The following CRYBG1 variants were observed in gnomAD, a reference collection of about 807,000 sequenced individuals.
CRYBG1 encodes beta/gamma crystallin domain-containing protein 1.
In CRYBG1, 139 loss-of-function variants were observed where a neutral mutation model predicts 189.2. The ratio of observed to expected loss-of-function variants is 0.73; its 90% CI spans 0.64 to 0.85. CRYBG1 has a LOEUF of 0.85. Among genes scored for constraint, CRYBG1 ranks in the 40% least tolerant of loss-of-function variants. CRYBG1 has a pLI of 0.00. For synonymous variants in CRYBG1, 1,023 were observed against 1,017.1 expected (o/e 1.01, Z -0.11); for missense variants, 2,611 against 2,675.8 (o/e 0.98, Z 0.53).
chr6:106,369,108 A>G (rs1769962061), intron 1 of CRYBG1, among the ~76,000 whole-genome samples: 1 of 152,242 alleles, frequency 6.6e-6, no homozygotes, highest in Admixed American at 6.5e-5. Context: ...TAAATATCTC[A>G]TGAAAGCATA....
intron 1 of CRYBG1, among the ~76,000 whole-genome samples, chr6:106,364,508 A>G (rs1299523610): frequency 6.6e-6 from 1 of 152,106 alleles, no homozygotes; most frequent in African/African-American, 2.4e-5. Flanking sequence ...TTTACTCTTA[A>G]AGTTTTTTTT....
Position 106,512,290 on chromosome 6 carries a change from C to A in CRYBG1, c.1173C>A (p.Asp391Glu), listed in dbSNP as rs886889529. The A allele has an allele frequency of 1.3e-6, 2 of 1,581,576 alleles. No individual in the cohort carries two copies. The highest frequency in any genetic ancestry group is 1.7e-6 in the Non-Finnish European group (2 of 1,167,170). ...YLSKTEGAQVDEPVVITPRAE... is the reference protein window; with the variant it reads ...YLSKTEGAQVEEPVVITPRAE... ...GTAAGACTGAGGGGGCACAAGTGGA[C>A]GAGCCGGTCGTGATTACTCCCAGAG... The change falls in exon 3 of 22, where the codon GAC becomes GAA. Residue 391 changes from aspartate to glutamate, a missense_variant. This residue lies in a region of CRYBG1 where 985 missense variants were observed against 924.4 expected (regional missense o/e 1.07). Coordinates refer to ENST00000633556, the MANE Select transcript of CRYBG1 (RefSeq NM_001371242.2).
intron 1 of CRYBG1, among the ~76,000 whole-genome samples, chr6:106,388,458 GT>G (rs1352111892): frequency 6.6e-6 from 1 of 152,104 alleles, no homozygotes; most frequent in African/African-American, 2.4e-5. Flanking sequence ...CAAATGTTTT[GT>G]TGAATTGCCC....
At chr6:106,539,579 G>T in intron 9 of CRYBG1, 50 bp downstream of exon 9, 1 of 1,570,902 alleles carries the variant, frequency 6.4e-7, no homozygotes, top group Non-Finnish European at 8.7e-7. Flanking sequence ...TCAGCTTGAC[G>T]TGGTAATTCA....
intron 2 of CRYBG1, among the ~76,000 whole-genome samples, chr6:106,494,574 ATAG>A (rs1357458593): frequency 1.3e-5 from 2 of 152,234 alleles, no homozygotes; most frequent in Non-Finnish European, 2.9e-5. Flanking sequence ...AAGAGGTCTG[ATAG>A]TAGTGTCATT....
chr6:106,557,546 G>T (rs1774578954), intron 17 of CRYBG1, among the ~76,000 whole-genome samples: 1 of 152,094 alleles, frequency 6.6e-6, no homozygotes, highest in Admixed American at 6.5e-5. Flanking sequence ...AAGTAGCTGG[G>T]ATTACAAGCA....
chr6:106,473,033 C>A (rs1047109509), intron 2 of CRYBG1, among the ~76,000 whole-genome samples: 7 of 151,988 alleles, frequency 4.6e-5, no homozygotes, highest in Admixed American at 2.6e-4. Flanking sequence ...TTTGTCAGCA[C>A]GTACCTTTTC....
chr6:106,388,973 T>C (rs1020060027), intron 1 of CRYBG1, among the ~76,000 whole-genome samples: 1 of 152,198 alleles, frequency 6.6e-6, no homozygotes, highest in Non-Finnish European at 1.5e-5. Context: ...GCAGAGAAAT[T>C]GACACTGGCA....
At chr6:106,451,090 G>T (rs1053720470) in intron 1 of CRYBG1, among the ~76,000 whole-genome samples, 1 of 152,218 alleles carries the variant, frequency 6.6e-6, no homozygotes, top group African/African-American at 2.4e-5. Context: ...CAAAGGCAGT[G>T]TGTATGGGGG....
At chr6:106,472,901 C>T (rs554617531) in intron 2 of CRYBG1, among the ~76,000 whole-genome samples, 1 of 118,648 alleles carries the variant, frequency 8.4e-6, no homozygotes, top group Non-Finnish European at 1.8e-5. Context: ...AAGACTCTGT[C>T]TCAAAATTAA....
rs1774456948 is a variant in CRYBG1, at chr6:106,553,526, T to G, written c.5544T>G (p.Asp1848Glu). ...QSFEETTSQIDDSFSTKSCRV... is the reference protein window; with the variant it reads ...QSFEETTSQIEDSFSTKSCRV... ...TTGAAGAAACAACAAGTCAAATTGA[T>G]GATTCATTTTCTACCAAGTCTTGCA... The change falls in exon 16 of 22, where the codon GAT becomes GAG. Residue 1848 changes from aspartate (D) to glutamate (E), a missense_variant. Physicochemically the swap from Asp to Glu is conservative, Grantham distance 45. Transcript: ENST00000633556. 13 of 1,613,860 alleles carry G rather than the reference T, an allele frequency of 8.1e-6. No individual in the cohort carries two copies. In the East Asian group the frequency reaches 2.9e-4, roughly 36 times the overall value.
At chr6:106,430,109 A>C (rs1360515346) in intron 1 of CRYBG1, among the ~76,000 whole-genome samples, 1 of 152,200 alleles carries the variant, frequency 6.6e-6, no homozygotes, top group African/African-American at 2.4e-5. Flanking sequence ...TTTCATAAGA[A>C]ATGACCCAGT....
At chr6:106,443,770 G>T (rs545073279) in intron 1 of CRYBG1, among the ~76,000 whole-genome samples, 1 of 152,154 alleles carries the variant, frequency 6.6e-6, no homozygotes, top group Non-Finnish European at 1.5e-5. Flanking sequence ...TAGAATACAT[G>T]AGATATTTTG....
intron 2 of CRYBG1, among the ~76,000 whole-genome samples, chr6:106,482,329 T>C (rs1359512862): frequency 6.6e-6 from 1 of 152,154 alleles, no homozygotes; most frequent in African/African-American, 2.4e-5. Flanking sequence ...AGTCAACTCA[T>C]TAGGGAATAA....
At chr6:106,557,926 T>A (rs745975598) in intron 17 of CRYBG1, among the ~76,000 whole-genome samples, 10 of 152,264 alleles carry the variant, frequency 6.6e-5, no homozygotes, top group Non-Finnish European at 1.3e-4. Context: ...TTCCATCCTG[T>A]TGTTTTTTTT....
rs1775052961 is a variant in CRYBG1, at chr6:106,571,321, A to C, written c.*2755A>C. 6.6e-6 allele frequency: 1 copy of C among 152,288 alleles called. No individual in the cohort carries two copies. Among genetic ancestry groups the C allele is most frequent in the African/African-American group, 2.4e-5 (1 of 41,474 alleles). 9.4% of individuals were successfully genotyped at this position (152,288 alleles called of 1,614,324 possible). On this transcript the variant is annotated 3_prime_UTR_variant, in exon 22 of 22. Transcript: ENST00000633556. ...AACCTTGGCAGTTAGAAAGCTGCTCAGTGATGAATTCAAGAAGGAACCAGC... is the reference window on the plus strand; with the variant it reads ...AACCTTGGCAGTTAGAAAGCTGCTCCGTGATGAATTCAAGAAGGAACCAGC...
chr6:106,412,457 C>T (rs1242403003), intron 1 of CRYBG1, among the ~76,000 whole-genome samples: 1 of 152,230 alleles, frequency 6.6e-6, no homozygotes, highest in East Asian at 1.9e-4. Flanking sequence ...TTTATCATCT[C>T]AACCAAAGTC....
chr6:106,456,191 T>C (rs1366124780), intron 2 of CRYBG1, among the ~76,000 whole-genome samples: 1 of 152,268 alleles, frequency 6.6e-6, no homozygotes. Context: ...TCTCACTCTG[T>C]CGCCCAGGCT....
chr6:106,527,258 C>T (rs1773760982), intron 6 of CRYBG1, 47 bp from the exon 7 acceptor site: 2 of 1,515,044 alleles, frequency 1.3e-6, no homozygotes, highest in South Asian at 2.7e-5. Flanking sequence ...TAATCAAAAC[C>T]TCTCTCACGA....
Sources: gnomAD v4.1 joint callset for allele counts (sites outside exome capture counted in the v4.1 genomes callset) on GRCh38, gnomAD v4.1.1 for gene constraint, gnomAD v4.1.1 regional missense constraint, MANE v1.5 for transcripts, NCBI Gene and HGNC (gene_info 2026-07-23, HGNC 2026-07-21) for gene names.